The following LRRC4C variants were observed in gnomAD, a reference collection of about 807,000 sequenced individuals.
LRRC4C encodes the protein leucine rich repeat containing 4C, also known as leucine-rich repeat-containing protein 4C.
Under a neutral mutation model 33.6 loss-of-function variants are expected in LRRC4C, and 5 were observed. The observed-to-expected ratio is 0.15, with a 90% CI of 0.08 to 0.31. LRRC4C has a LOEUF of 0.31. Among genes scored for constraint, LRRC4C ranks in the 10% least tolerant of loss-of-function variants. LRRC4C has a pLI of 1.00. For synonymous variants in LRRC4C, 329 were observed against 302.0 expected (o/e 1.09, Z -0.93); for missense variants, 560 against 796.7 (o/e 0.70, Z 3.58).
intron 2 of LRRC4C, among the ~76,000 whole-genome samples, chr11:40,722,086 C>T (rs1245309120): frequency 6.6e-6 from 1 of 152,130 alleles, no homozygotes; most frequent in Non-Finnish European, 1.5e-5. Flanking sequence ...AAAAAAATTA[C>T]AGACAAATGT....
At chr11:40,883,774 T>A (rs932073212) in intron 2 of LRRC4C, among the ~76,000 whole-genome samples, 5 of 152,074 alleles carry the variant, frequency 3.3e-5, no homozygotes, top group Non-Finnish European at 2.9e-5. Flanking sequence ...CATGGAATTA[T>A]TAACTGCTGA....
chr11:40,196,295 T>C (rs1252394392), intron 5 of LRRC4C, among the ~76,000 whole-genome samples: 2 of 152,146 alleles, frequency 1.3e-5, no homozygotes, highest in African/African-American at 4.8e-5. Flanking sequence ...GGAACAGATA[T>C]ACTGATTCTA....
intron 1 of LRRC4C, among the ~76,000 whole-genome samples, chr11:41,276,019 A>G (rs1949473033): frequency 1.3e-5 from 2 of 152,162 alleles, no homozygotes; most frequent in African/African-American, 4.8e-5. Context: ...ACAAGATGTT[A>G]TTTTTAAAGT....
At chr11:40,586,850 C>T (rs1308824455) in intron 3 of LRRC4C, among the ~76,000 whole-genome samples, 1 of 152,120 alleles carries the variant, frequency 6.6e-6, no homozygotes, top group Non-Finnish European at 1.5e-5. Flanking sequence ...GTTGTGGTAC[C>T]AGTACCATGC....
intron 2 of LRRC4C, among the ~76,000 whole-genome samples, chr11:40,880,128 T>C (rs113225831): frequency 4.6e-5 from 7 of 152,044 alleles, no homozygotes; most frequent in African/African-American, 1.7e-4. Flanking sequence ...TGCCAAAAGG[T>C]CTGCTGGAAG....
At chr11:40,703,978 C>T (rs1025612553) in intron 2 of LRRC4C, among the ~76,000 whole-genome samples, 15 of 152,110 alleles carry the variant, frequency 9.9e-5, no homozygotes, top group African/African-American at 2.4e-4. Context: ...TATGGTTACC[C>T]TCCATATTCA....
chr11:41,377,795 G>A (rs888947879), intron 1 of LRRC4C, among the ~76,000 whole-genome samples: 2 of 152,106 alleles, frequency 1.3e-5, no homozygotes, highest in African/African-American at 4.8e-5. Flanking sequence ...TTACAGTCAA[G>A]GACAATAATC....
intron 3 of LRRC4C, among the ~76,000 whole-genome samples, chr11:40,440,254 A>C (rs1951331621): frequency 6.7e-6 from 1 of 148,380 alleles, no homozygotes. Flanking sequence ...AATGACCCAG[A>C]TCTGTGTGAC....
intron 1 of LRRC4C, among the ~76,000 whole-genome samples, chr11:41,054,136 T>C (rs1297064767): frequency 6.6e-6 from 1 of 152,242 alleles, no homozygotes; most frequent in Non-Finnish European, 1.5e-5. Flanking sequence ...ATGTATTTTC[T>C]AATTCTCATT....
intron 1 of LRRC4C, among the ~76,000 whole-genome samples, chr11:41,338,762 T>A (rs1007975251): frequency 6.6e-5 from 10 of 151,978 alleles, no homozygotes; most frequent in African/African-American, 2.4e-4. Flanking sequence ...GCATTTCAAA[T>A]ACAAAATAGA....
chr11:41,280,980 T>C (rs1056839708), intron 1 of LRRC4C, among the ~76,000 whole-genome samples: 1 of 151,578 alleles, frequency 6.6e-6, no homozygotes, highest in Admixed American at 6.6e-5. Flanking sequence ...AGAAAATAAT[T>C]AACAATTAGC....
rs370788863 is a variant in LRRC4C, at chr11:40,164,202, A to G, written c.-95-23349T>C. Among the ~76,000 whole-genome samples the G allele has an allele frequency of 1.4e-4, 22 of 152,306 alleles. No homozygotes were observed. In the South Asian group the frequency reaches 4.6e-3, roughly 32 times the overall value. Reference sequence around the variant, plus strand: ...GCCAATAATTACTTAAGCTTAACACAAGAATGTCCAGTAGATGCTGTTAAG... The same window carrying G: ...GCCAATAATTACTTAAGCTTAACACGAGAATGTCCAGTAGATGCTGTTAAG... On this transcript the variant is annotated intron_variant, in intron 5 of 6. Transcript: ENST00000528697.
At chr11:40,589,748 G>T (rs966153311) in intron 3 of LRRC4C, among the ~76,000 whole-genome samples, 203 of 150,956 alleles carry the variant, frequency 1.3e-3, no homozygotes, top group African/African-American at 4.6e-3. Context: ...ACTTAGTTTG[G>T]CTGGATATGA....
intron 2 of LRRC4C, among the ~76,000 whole-genome samples, chr11:40,926,368 C>A (rs1957406902): frequency 1.3e-5 from 2 of 151,760 alleles, no homozygotes; most frequent in South Asian, 4.2e-4. Context: ...ATAAATTCGA[C>A]AATAAATGTT....
chr11:40,452,155 G>A (rs571695583), intron 3 of LRRC4C, among the ~76,000 whole-genome samples: 8 of 152,124 alleles, frequency 5.3e-5, no homozygotes, highest in African/African-American at 1.9e-4. Flanking sequence ...AAAAGCAATG[G>A]CAACAAAAGA....
intron 1 of LRRC4C, among the ~76,000 whole-genome samples, chr11:41,350,370 C>T (rs2860256): frequency 0.42 from 63,232 of 151,534 alleles, 13,968 homozygotes; most frequent in Non-Finnish European, 0.49. Context: ...ATTAGCCGGG[C>T]GTTGTGGCGG....
intron 5 of LRRC4C, among the ~76,000 whole-genome samples, chr11:40,170,687 A>G (rs1338547454): frequency 3.3e-5 from 5 of 152,228 alleles, no homozygotes; most frequent in African/African-American, 1.2e-4. Flanking sequence ...AACATTAGGA[A>G]TCCAAGGTAG....
chr11:40,714,843 A>G (rs1213757385), intron 2 of LRRC4C, among the ~76,000 whole-genome samples: 1 of 152,198 alleles, frequency 6.6e-6, no homozygotes, highest in East Asian at 1.9e-4. Flanking sequence ...TAGACTTTTC[A>G]ATAGAAATTA....
At chr11:41,384,127 C>T (rs1250457391) in intron 1 of LRRC4C, among the ~76,000 whole-genome samples, 1 of 151,858 alleles carries the variant, frequency 6.6e-6, no homozygotes, top group African/African-American at 2.4e-5. Context: ...CACCAGAGAA[C>T]CGTAACCTAT....
Sources: gnomAD v4.1 joint callset for allele counts (sites outside exome capture counted in the v4.1 genomes callset) on GRCh38, gnomAD v4.1.1 for gene constraint, MANE v1.5 for transcripts, NCBI Gene and HGNC (gene_info 2026-07-23, HGNC 2026-07-21) for gene names.